HTR2C: variants seen among roughly 807,000 people sequenced by gnomAD.
HTR2C encodes 5-hydroxytryptamine (serotonin) receptor 2C, G protein-coupled.
Under a neutral mutation model 21.0 loss-of-function variants are expected in HTR2C, and 5 were observed. That is an observed-to-expected ratio of 0.24 (90% confidence interval 0.12 to 0.50). The LOEUF (loss-of-function observed/expected upper bound fraction) is 0.50, where lower values mean the gene tolerates loss of function less well. Among genes scored for constraint, HTR2C ranks in the 20% least tolerant of loss-of-function variants. HTR2C has a pLI of 0.98. For synonymous variants in HTR2C, 150 were observed against 145.3 expected (o/e 1.03, Z -0.23); for missense variants, 271 against 371.2 (o/e 0.73, Z 2.22).
chrX:114,637,878 A>T (rs1929906313), intron 2 of HTR2C, among the ~76,000 whole-genome samples: 1 of 111,656 alleles, frequency 9.0e-6, no homozygotes, highest in Admixed American at 9.6e-5. Flanking sequence ...AAAAAAAGCA[A>T]AATTCGCTAA....
At chrX:114,726,815 C>T (rs199641178) in intron 2 of HTR2C, 43 bp from the exon 3 acceptor site, 7 of 465,888 alleles carry the variant, frequency 1.5e-5, no homozygotes, top group African/African-American at 2.6e-5. Flanking sequence ...CAAGTTATTT[C>T]GATGTTTAAC....
intron 2 of HTR2C, among the ~76,000 whole-genome samples, chrX:114,670,394 C>CAAAAAA (rs35858180): frequency 3.1e-5 from 2 of 63,530 alleles, no homozygotes; most frequent in African/African-American, 6.1e-5. Flanking sequence ...TACTCTGTCT[C>CAAAAAA]AAAAAAAAAA....
intron 1 of HTR2C, among the ~76,000 whole-genome samples, chrX:114,591,944 GATGA>G (rs1927653066): frequency 9.0e-6 from 1 of 111,505 alleles, no homozygotes; most frequent in East Asian, 2.8e-4. Flanking sequence ...TCTCACTCAG[GATGA>G]ATGAAGAAAA....
intron 2 of HTR2C, among the ~76,000 whole-genome samples, chrX:114,702,624 C>A (rs1261199685): frequency 4.7e-4 from 52 of 111,442 alleles, no homozygotes; most frequent in Non-Finnish European, 7.7e-4. Context: ...TTCTAAAGAC[C>A]ATCGAGGCTA....
intron 5 of HTR2C, among the ~76,000 whole-genome samples, chrX:114,863,746 C>G (rs1162236743): frequency 2.7e-5 from 3 of 111,514 alleles, no homozygotes; most frequent in African/African-American, 9.7e-5. Flanking sequence ...AAATCTCCTA[C>G]TATTATTGTA....
At chrX:114,857,424 C>G (rs1172837968) in intron 5 of HTR2C, among the ~76,000 whole-genome samples, 1 of 111,245 alleles carries the variant, frequency 9.0e-6, no homozygotes, top group South Asian at 3.7e-4. Context: ...AAACCCTGGT[C>G]CTAATAATTG....
chrX:114,621,527 C>T (rs1032333179), intron 2 of HTR2C, among the ~76,000 whole-genome samples: 5 of 111,867 alleles, frequency 4.5e-5, no homozygotes, highest in Non-Finnish European at 7.5e-5. Context: ...GTAGGCCATA[C>T]AAAAACAGTC....
chrX:114,619,141 A>G (rs1385548258), intron 2 of HTR2C, among the ~76,000 whole-genome samples: 1 of 111,389 alleles, frequency 9.0e-6, no homozygotes, highest in East Asian at 2.8e-4. Flanking sequence ...ACTGTTATTC[A>G]GATAACTGGA....
intron 4 of HTR2C, among the ~76,000 whole-genome samples, chrX:114,816,233 G>A (rs782619432): frequency 3.0e-4 from 31 of 103,877 alleles, no homozygotes; most frequent in African/African-American, 1.0e-3. Flanking sequence ...CTTTGAAGAT[G>A]AGAGATGATA....
At chrX:114,627,607 A>C (rs1220976222) in intron 2 of HTR2C, among the ~76,000 whole-genome samples, 1 of 111,731 alleles carries the variant, frequency 9.0e-6, no homozygotes, top group South Asian at 3.8e-4. Flanking sequence ...ATTTCAGCAG[A>C]AGATCCTTAA....
At chrX:114,664,528 T>C (rs1001341504) in intron 2 of HTR2C, among the ~76,000 whole-genome samples, 3 of 112,087 alleles carry the variant, frequency 2.7e-5, no homozygotes, top group Non-Finnish European at 3.8e-5. Flanking sequence ...GCTCCATCCA[T>C]GTCCCTGCCA....
chrX:114,895,467 T>C (rs1297781711), intron 5 of HTR2C, among the ~76,000 whole-genome samples: 2 of 111,629 alleles, frequency 1.8e-5, no homozygotes, highest in African/African-American at 6.5e-5. Flanking sequence ...TTGGTAGAGA[T>C]TGATCCATTT....
At chrX:114,766,725 C>A (rs1392375302) in intron 4 of HTR2C, among the ~76,000 whole-genome samples, 3 of 111,528 alleles carry the variant, frequency 2.7e-5, no homozygotes, top group African/African-American at 9.7e-5. Flanking sequence ...AAGTTAGTTT[C>A]TTTCTTTTCC....
intron 1 of HTR2C, among the ~76,000 whole-genome samples, chrX:114,600,645 T>A (rs1198337728): frequency 4.5e-5 from 5 of 111,352 alleles, no homozygotes; most frequent in African/African-American, 1.6e-4. Flanking sequence ...TACTGGGAAA[T>A]AAAAGGCAGT....
At chrX:114,753,356 G>T (rs1176392874) in intron 4 of HTR2C, among the ~76,000 whole-genome samples, 2 of 111,721 alleles carry the variant, frequency 1.8e-5, no homozygotes, top group Non-Finnish European at 3.8e-5. Context: ...TACAACATAG[G>T]ACTGAAAGTT....
chrX:114,730,919 T>C lies in HTR2C; in HGVS notation c.36-375T>C, dbSNP rs782249965. On this transcript the variant is annotated intron_variant, in intron 3 of 5. Transcript: ENST00000276198. ...TGAGTATGGACCCTGGCCCCGCCACTTACTGGCTGTTTAGGCTTGAAAAAG... is the reference window on the plus strand; with the variant it reads ...TGAGTATGGACCCTGGCCCCGCCACCTACTGGCTGTTTAGGCTTGAAAAAG... Among the ~76,000 whole-genome samples the C allele has an allele frequency of 8.9e-5, 10 of 111,787 alleles. 1 individual carries two copies. The South Asian group carries it at 3.4e-3, about 38-fold the overall frequency.
chrX:114,867,446 T>A (rs1317630070), intron 5 of HTR2C, among the ~76,000 whole-genome samples: 3 of 110,736 alleles, frequency 2.7e-5, no homozygotes, highest in Non-Finnish European at 3.8e-5. Context: ...TTTTCTCCCA[T>A]TCTGTGGGTT....
chrX:114,750,105 T>C (rs1833495830), intron 4 of HTR2C, among the ~76,000 whole-genome samples: 1 of 111,797 alleles, frequency 8.9e-6, no homozygotes, highest in South Asian at 3.7e-4. Context: ...TAAGTGCAAC[T>C]ACCTCAAGAA....
chrX:114,793,932 G>A (rs1241796049), intron 4 of HTR2C, among the ~76,000 whole-genome samples: 1 of 110,299 alleles, frequency 9.1e-6, no homozygotes, highest in Non-Finnish European at 1.9e-5. Flanking sequence ...ATGTTAGTGA[G>A]TGCTATGAAA....
Sources: allele counts gnomAD v4.1 joint callset (sites outside exome capture counted in the v4.1 genomes callset), GRCh38; gene constraint gnomAD v4.1.1; transcripts MANE v1.5; gene names NCBI Gene and HGNC (gene_info 2026-07-23, HGNC 2026-07-21).